GALNTL6: variants seen among roughly 807,000 people sequenced by gnomAD.
GALNTL6 encodes the protein polypeptide N-acetylgalactosaminyltransferase like 6.
GALNTL6 carries 46 observed loss-of-function variants against 73.7 expected under a neutral mutation model. The observed-to-expected ratio is 0.62, with a 90% CI of 0.49 to 0.80. The LOEUF (loss-of-function observed/expected upper bound fraction) is 0.80, where lower values mean the gene tolerates loss of function less well. GALNTL6 is among the 30% of genes least tolerant of loss of function. GALNTL6 has a pLI of 0.00. For missense variants in GALNTL6, 604 were observed against 755.0 expected (o/e 0.80, Z 2.34); for synonymous variants, 259 against 263.7 (o/e 0.98, Z 0.17).
intron 5 of GALNTL6, among the ~76,000 whole-genome samples, chr4:172,653,432 GCT>G (rs752640144): frequency 2.8e-4 from 42 of 151,958 alleles, no homozygotes; most frequent in Non-Finnish European, 5.1e-4. Context: ...TGTTAGCCAG[GCT>G]GGTCTTGAAC....
chr4:171,943,212 A>C (rs976122457), intron 2 of GALNTL6, among the ~76,000 whole-genome samples: 44 of 152,188 alleles, frequency 2.9e-4, no homozygotes, highest in Non-Finnish European at 1.5e-4. Context: ...ATGATAGAAA[A>C]AATATTCACA....
At chr4:171,871,374 A>G (rs1455729709) in intron 2 of GALNTL6, among the ~76,000 whole-genome samples, 1 of 152,194 alleles carries the variant, frequency 6.6e-6, no homozygotes, top group African/African-American at 2.4e-5. Context: ...TTTCTGTAAC[A>G]TTTTCAGACT....
intron 7 of GALNTL6, among the ~76,000 whole-genome samples, chr4:172,845,494 G>A (rs1164050653): frequency 6.6e-6 from 1 of 152,166 alleles, no homozygotes; most frequent in Non-Finnish European, 1.5e-5. Flanking sequence ...GAGTTTGCAA[G>A]ATGAGACAAA....
chr4:172,131,389 T>C (rs1360950501), intron 2 of GALNTL6, among the ~76,000 whole-genome samples: 1 of 145,992 alleles, frequency 6.8e-6, no homozygotes, highest in African/African-American at 2.6e-5. Flanking sequence ...ATCTTCCATG[T>C]TTCACCATGC....
intron 5 of GALNTL6, among the ~76,000 whole-genome samples, chr4:172,653,936 G>A (rs1421793981): frequency 2.0e-5 from 3 of 152,158 alleles, no homozygotes; most frequent in African/African-American, 7.2e-5. Flanking sequence ...GTGCATAACT[G>A]TCCTGGTATT....
chr4:172,693,327 T>G (rs1235613857), intron 5 of GALNTL6, among the ~76,000 whole-genome samples: 10 of 152,222 alleles, frequency 6.6e-5, no homozygotes, highest in Non-Finnish European at 2.9e-5. Flanking sequence ...GTTATTAATT[T>G]CTGCCTATCT....
intron 2 of GALNTL6, among the ~76,000 whole-genome samples, chr4:172,105,055 T>C (rs936081321): frequency 6.6e-6 from 1 of 151,246 alleles, no homozygotes; most frequent in Admixed American, 6.6e-5. Flanking sequence ...CAAATGCAAA[T>C]AGATTGCCAA....
chr4:172,594,715 A>G (rs1170756821), intron 5 of GALNTL6, among the ~76,000 whole-genome samples: 1 of 152,190 alleles, frequency 6.6e-6, no homozygotes, highest in Non-Finnish European at 1.5e-5. Flanking sequence ...ATCTCAACAC[A>G]TACTTATTTT....
rs182319820 is a variant in GALNTL6, at chr4:172,490,886, C to T, written c.553+142197C>T. 8.0e-3 allele frequency among the ~76,000 whole-genome samples: 1,219 copies of T among 152,180 alleles called. 10 individuals are homozygous for T. Among genetic ancestry groups the T allele is most frequent in the South Asian group, 0.024 (116 of 4,828 alleles). On this transcript the variant is annotated intron_variant, in intron 5 of 12. Coordinates refer to ENST00000506823, the MANE Select transcript of GALNTL6 (RefSeq NM_001034845.3). ...AGTCACGTTGAAGACTTCGATAGCC[C>T]GTTCATTCATTTATTCATTTATAAG...
At chr4:171,911,959 AAT>A (rs891147969) in intron 2 of GALNTL6, among the ~76,000 whole-genome samples, 1 of 152,146 alleles carries the variant, frequency 6.6e-6, no homozygotes, top group Non-Finnish European at 1.5e-5. Flanking sequence ...AAATTTAATC[AAT>A]GTTTTTTAAT....
intron 2 of GALNTL6, among the ~76,000 whole-genome samples, chr4:172,131,454 T>TTA (rs201260944): frequency 0.021 from 2,985 of 144,924 alleles, 31 homozygotes; most frequent in Non-Finnish European, 0.031. Context: ...CATATATATT[T>TTA]TATATATATT....
chr4:172,119,277 C>T lies in GALNTL6; in HGVS notation c.139-110379C>T, dbSNP rs191655791. On this transcript the variant is annotated intron_variant, in intron 2 of 12. Coordinates refer to ENST00000506823, the MANE Select transcript of GALNTL6 (RefSeq NM_001034845.3). ...CTCCATTAAAAAGTTGTATCTCACT[C>T]TAACATTGCATTTCAGATTTATTTC... 3.2e-3 allele frequency among the ~76,000 whole-genome samples: 486 copies of T among 152,262 alleles called. 1 individual carries two copies. The highest frequency in any genetic ancestry group is 5.3e-3 in the Non-Finnish European group (359 of 68,014).
chr4:172,086,404 T>G (rs1037954510), intron 2 of GALNTL6, among the ~76,000 whole-genome samples: 3 of 152,134 alleles, frequency 2.0e-5, no homozygotes, highest in African/African-American at 7.2e-5. Context: ...AATGTCAATT[T>G]TATTTCTGTG....
At chr4:173,003,801 A>G (rs1752150919) in intron 10 of GALNTL6, among the ~76,000 whole-genome samples, 2 of 152,166 alleles carry the variant, frequency 1.3e-5, no homozygotes, top group South Asian at 4.1e-4. Context: ...CTCATCCTCC[A>G]GGGCCCCTTC....
intron 5 of GALNTL6, among the ~76,000 whole-genome samples, chr4:172,756,599 C>A (rs1485526529): frequency 6.6e-6 from 1 of 151,232 alleles, no homozygotes; most frequent in Non-Finnish European, 1.5e-5. Flanking sequence ...GAGCCAAGAT[C>A]GCGTCACTGC....
At chr4:172,647,707 C>T (rs1740301348) in intron 5 of GALNTL6, among the ~76,000 whole-genome samples, 1 of 152,118 alleles carries the variant, frequency 6.6e-6, no homozygotes, top group African/African-American at 2.4e-5. Flanking sequence ...CTCTGCATTA[C>T]ATAAAAAAGT....
chr4:172,127,158 G>A (rs77667741), intron 2 of GALNTL6, among the ~76,000 whole-genome samples: 9,744 of 152,246 alleles, frequency 0.064, 317 homozygotes, highest in South Asian at 0.12. Flanking sequence ...CAAGCATTCT[G>A]ATGTGGGCCT....
chr4:171,861,698 A>G (rs902375782), intron 2 of GALNTL6, among the ~76,000 whole-genome samples: 6 of 152,196 alleles, frequency 3.9e-5, no homozygotes, highest in African/African-American at 1.2e-4. Context: ...ACAGAACTTT[A>G]CAACTTTCAT....
At chr4:171,905,014 C>A (rs555500486) in intron 2 of GALNTL6, among the ~76,000 whole-genome samples, 12 of 152,250 alleles carry the variant, frequency 7.9e-5, no homozygotes, top group Admixed American at 3.9e-4. Flanking sequence ...TGGAAAGGAA[C>A]AACCGATACG....
Sources: allele counts gnomAD v4.1 joint callset (sites outside exome capture counted in the v4.1 genomes callset), GRCh38; gene constraint gnomAD v4.1.1; transcripts MANE v1.5; gene names NCBI Gene and HGNC (gene_info 2026-07-23, HGNC 2026-07-21).